Variants in DNAJC10 observed in about 807,000 individuals in gnomAD.
The protein encoded by DNAJC10 is DnaJ heat shock protein family (Hsp40) member C10.
In DNAJC10, 101 loss-of-function variants were observed where a neutral mutation model predicts 115.0. The observed-to-expected ratio is 0.88, with a 90% CI of 0.75 to 1.04. The LOEUF is 1.04. Ranked by LOEUF, DNAJC10 falls within the 50% of genes least tolerant of loss-of-function variation. The pLI is 0.00. For missense variants in DNAJC10, 981 were observed against 928.8 expected, an observed-to-expected ratio of 1.06 and a Z score of -0.73; for synonymous variants, 307 against 301.5, an observed-to-expected ratio of 1.02 and a Z score of -0.19.
intron 6 of DNAJC10, 48 bp from the exon 7 acceptor site, chr2:182,728,815 A>C (rs375770533): frequency 4.1e-5 from 66 of 1,607,238 alleles, no homozygotes; most frequent in Non-Finnish European, 5.2e-5. Flanking sequence ...TGTTCAAGGG[A>C]AGAAAAGTGG....
rs376426410 is a variant in DNAJC10 at position 182,751,722 on chromosome 2, G to A, written c.1371G>A (p.Thr457=). The change falls in exon 15 of 24, where the codon ACG becomes ACA. Residue 457 remains threonine, a synonymous_variant. Transcript: ENST00000264065. ...AAAGTGTGAATTCTCATGTTACCAC[G>A]CTTGGACCTCAAAATTTTCCTGCCA... ...AKESVNSHVT[T]LGPQNFPAND... The A allele has an allele frequency of 1.8e-5, 29 of 1,613,742 alleles. No homozygotes were observed. The highest frequency in any genetic ancestry group is 2.7e-5 in the African/African-American group (2 of 74,880).
intron 11 of DNAJC10, among the ~76,000 whole-genome samples, chr2:182,737,049 C>T (rs1693602801): frequency 6.6e-6 from 1 of 152,184 alleles, no homozygotes; most frequent in Non-Finnish European, 1.5e-5. Flanking sequence ...CGCACCTAAC[C>T]TAATTGTTTA....
rs1223282860 is a variant in DNAJC10 at position 182,736,324 on chromosome 2, A to G, written c.925A>G (p.Ser309Gly). The G allele has an allele frequency of 5.0e-6, 8 of 1,593,508 alleles. No homozygotes were observed. The highest frequency in any genetic ancestry group is 6.8e-6 in the Non-Finnish European group (8 of 1,172,064). ...TTGTAAAAGCTTAGATATTACAACA[A>G]GTACTACTGCTTATTTTCCTCCTGG... ...NLCKSLDITT[S>G]TTAYFPPGAT... Residue 309 changes from serine to glycine, a missense_variant, in exon 11 of 24, where the codon AGT (serine) becomes GGT (glycine). Ser to Gly is a moderately conservative substitution (Grantham distance 56). Coordinates refer to ENST00000264065, the MANE Select transcript of DNAJC10 (RefSeq NM_018981.4).
At chr2:182,746,809 C>T (rs1347958254) in intron 14 of DNAJC10, among the ~76,000 whole-genome samples, 1 of 151,980 alleles carries the variant, frequency 6.6e-6, no homozygotes, top group Non-Finnish European at 1.5e-5. Flanking sequence ...CTTTCCCATG[C>T]CTGTGTCCTG....
Position 182,777,101 on chromosome 2 carries a change from C to G in DNAJC10, c.2371-20C>G. 1 of 1,385,026 alleles carries G rather than the reference C, an allele frequency of 7.2e-7. No individual in the cohort carries two copies. Among genetic ancestry groups the G allele is most frequent in the Middle Eastern group, 2.0e-4 (1 of 5,006 alleles). 85.8% of individuals were successfully genotyped at this position (1,385,026 alleles called of 1,614,324 possible). ...CTCATACTTTCTCCTTTCTCTATCG[C>G]CTTTACATTATTATTATAGGATGAA... On this transcript the variant is annotated intron_variant, in intron 23 of 23. Coordinates refer to ENST00000264065, the MANE Select transcript of DNAJC10 (RefSeq NM_018981.4).
Position 182,724,888 on chromosome 2 carries a change from G to C in DNAJC10, c.418+2813G>C, listed in dbSNP as rs825668. 5.3e-5 allele frequency among the ~76,000 whole-genome samples: 8 copies of C among 152,088 alleles called. 1 individual carries two copies. The highest frequency in any genetic ancestry group is 1.9e-4 in the African/African-American group (8 of 41,526). On this transcript the variant is annotated intron_variant, in intron 5 of 23. Transcript: ENST00000264065. ...AACTTGGCAAATATGAGAAGTGCTC[G>C]ATGAAGACAAAGTACAGGTGTACCT...
chr2:182,792,171 T>A lies in DNAJC10; in HGVS notation c.*15039T>A, dbSNP rs1695062314. The A allele has an allele frequency of 6.6e-6, 1 of 152,186 alleles. No individual in the cohort carries two copies. The highest frequency in any genetic ancestry group is 2.4e-5 in the African/African-American group (1 of 41,450). The allele number at this position is 152,186 out of a possible 1,614,324, so 9.4% of individuals were successfully genotyped here. A position where few individuals can be genotyped will look rare whatever the true frequency, so the allele number is the denominator to read the frequency against. The stretch of plus-strand genomic sequence containing the variant: ...GATGCTCAAGTCAATTTATAAGTAA[T>A]CCTCACAAATGCTTGCATACCATCA... On this transcript the variant is annotated 3_prime_UTR_variant, in exon 24 of 24. Transcript: ENST00000264065.
rs967703418 is a variant in DNAJC10 at position 182,739,500 on chromosome 2, T to C, written c.988-799T>C. 9 of 1,178,880 alleles carry C rather than the reference T, an allele frequency of 7.6e-6. No individual in the cohort carries two copies. In the Admixed American group the frequency reaches 1.8e-4, roughly 23 times the overall value. The allele number at this position is 1,178,880 out of a possible 1,614,324, so 73.0% of individuals were successfully genotyped here. ...AAACTCTGTTTTGTCAACTTTCATA[T>C]ACATTTTCTTGATGTAACCATTGCT... On this transcript the variant is annotated intron_variant, in intron 11 of 23. Transcript: ENST00000264065.
chr2:182,719,586 C>T (rs1020722149), intron 3 of DNAJC10, among the ~76,000 whole-genome samples: 2 of 151,840 alleles, frequency 1.3e-5, no homozygotes, highest in African/African-American at 4.8e-5. Flanking sequence ...GATTGGGGCA[C>T]ATCCTTTTTT....
chr2:182,776,854 T>C (rs1015290095), intron 23 of DNAJC10, among the ~76,000 whole-genome samples: 3 of 152,202 alleles, frequency 2.0e-5, no homozygotes, highest in Non-Finnish European at 4.4e-5. Flanking sequence ...ATACCTGAAA[T>C]TAAGTTAAAG....
intron 13 of DNAJC10, 111 bp from the exon 14 acceptor site, chr2:182,743,487 T>A: frequency 1.4e-6 from 1 of 708,880 alleles, no homozygotes; most frequent in Non-Finnish European, 2.5e-6. Context: ...TATTAGCTTC[T>A]GTTTAAAAAC....
Position 182,743,649 on chromosome 2 carries a change from GT to G in DNAJC10, c.1248del (p.Gln417SerfsTer4). ...ACCAGACATCTGTAGTAATCTGTAT[GT>G]TTTTCAGCCGTCTCTAGCAGTATTT... ...SAPDICSNLY[V>X]FQPSLAVFKG... On this transcript the variant is annotated frameshift_variant, in exon 14 of 24. Coordinates refer to ENST00000264065, the MANE Select transcript of DNAJC10 (RefSeq NM_018981.4). LOFTEE classifies it high-confidence loss of function. The G allele has an allele frequency of 6.2e-7, 1 of 1,613,566 alleles. No homozygotes were observed. The highest frequency in any genetic ancestry group is 1.1e-5 in the South Asian group (1 of 91,048).
intron 2 of DNAJC10, among the ~76,000 whole-genome samples, chr2:182,717,657 C>T (rs145091756): frequency 6.6e-6 from 1 of 152,270 alleles, no homozygotes; most frequent in East Asian, 1.9e-4. Flanking sequence ...TCATTGCCAC[C>T]TTTGTGTTCT....
chr2:182,755,067 G>A lies in DNAJC10; in HGVS notation c.1616G>A (p.Gly539Glu). 1.2e-6 allele frequency: 2 copies of A among 1,609,816 alleles called. No homozygotes were observed. The highest frequency in any genetic ancestry group is 1.1e-5 in the South Asian group (1 of 90,966). Residue 539 changes from glycine to glutamate, a missense_variant, in exon 17 of 24, where the codon GGA becomes GAA. Transcript: ENST00000264065. ...CAGTCCAACATTCATGAGTATGAAGGACATCACTCTGCTGAACAAATCTTG... is the reference window on the plus strand; with the variant it reads ...CAGTCCAACATTCATGAGTATGAAGAACATCACTCTGCTGAACAAATCTTG... Reference protein sequence around the residue: ...FNQSNIHEYEGHHSAEQILEF... With the variant: ...FNQSNIHEYEEHHSAEQILEF...
At chr2:182,722,868 A>G (rs1425443535) in intron 5 of DNAJC10, among the ~76,000 whole-genome samples, 2 of 152,102 alleles carry the variant, frequency 1.3e-5, no homozygotes, top group Non-Finnish European at 2.9e-5. Context: ...TGAATCTGGG[A>G]GGCTGATATT....
At chr2:182,742,161 C>T (rs2061998370) in intron 13 of DNAJC10, among the ~76,000 whole-genome samples, 1 of 152,076 alleles carries the variant, frequency 6.6e-6, no homozygotes, top group Admixed American at 6.6e-5. Flanking sequence ...TCAAACGATG[C>T]AGAACTTGTC....
intron 3 of DNAJC10, among the ~76,000 whole-genome samples, 190 bp from the exon 4 acceptor site, chr2:182,719,817 G>A (rs919549597): frequency 3.4e-5 from 1 of 29,348 alleles, no homozygotes; most frequent in Non-Finnish European, 7.5e-5. Flanking sequence ...TTTTTTTTTT[G>A]AAGATTATAG....
rs763141641 is a variant in DNAJC10 at position 182,758,635 on chromosome 2, G to T, written c.1944-202G>T. Among the ~76,000 whole-genome samples the T allele has an allele frequency of 2.0e-5, 3 of 152,086 alleles. No individual in the cohort carries two copies. The East Asian group carries it at 5.8e-4, about 29-fold the overall frequency. ...AGCTAGACATTCTGGGCTGTCTGGG[G>T]CACAAAGATACCAAGACTAGAGAAA... On this transcript the variant is annotated intron_variant, in intron 19 of 23. Coordinates refer to ENST00000264065, the MANE Select transcript of DNAJC10 (RefSeq NM_018981.4).
chr2:182,755,784 G>A (rs1694141849), intron 17 of DNAJC10, among the ~76,000 whole-genome samples: 1 of 152,088 alleles, frequency 6.6e-6, no homozygotes, highest in Admixed American at 6.6e-5. Context: ...AGTCATTCTT[G>A]GTTCTAGAAC....
Sources: gnomAD v4.1 joint callset for allele counts (sites outside exome capture counted in the v4.1 genomes callset) on GRCh38, gnomAD v4.1.1 for gene constraint, MANE v1.5 for transcripts, NCBI Gene and HGNC (gene_info 2026-07-23, HGNC 2026-07-21) for gene names.